The following IDH3A variants were observed in gnomAD, a reference collection of about 807,000 sequenced individuals.
The protein encoded by IDH3A is isocitrate dehydrogenase [NAD] subunit alpha, mitochondrial.
A neutral mutation model predicts 43.3 loss-of-function variants in IDH3A; 23 were observed. That is an observed-to-expected ratio of 0.53 (90% CI 0.38 to 0.75). IDH3A has a LOEUF of 0.75. IDH3A is among the 30% of genes least tolerant of loss of function. IDH3A has a pLI of 0.00. For missense variants in IDH3A, 329 were observed against 474.4 expected (o/e 0.69, Z 2.85); for synonymous variants, 154 against 163.5 (o/e 0.94, Z 0.44).
In IDH3A at chr15:78,156,984, G is replaced by A. The variant is rs993469418; in HGVS notation, c.91-564G>A. 13 of 1,344,088 alleles carry A rather than the reference G, an allele frequency of 9.7e-6. No homozygotes were observed. In the African/African-American group the frequency reaches 1.9e-4, roughly 20 times the overall value. 83.3% of individuals were successfully genotyped at this position (1,344,088 alleles called of 1,614,324 possible). A position where few individuals can be genotyped will look rare whatever the true frequency, so the allele number is the denominator to read the frequency against. Reference sequence around the variant, plus strand: ...TTATAGAGGAACTAAGAAAAAAATGGAAGCTCTCTTGATAAAAAGTCTGAT... The same window carrying A: ...TTATAGAGGAACTAAGAAAAAAATGAAAGCTCTCTTGATAAAAAGTCTGAT... On this transcript the variant is annotated intron_variant, in intron 2 of 10. Coordinates refer to ENST00000299518, the MANE Select transcript of IDH3A (RefSeq NM_005530.3).
chr15:78,153,077 A>C (rs1473346121), intron 1 of IDH3A, among the ~76,000 whole-genome samples: 1 of 151,768 alleles, frequency 6.6e-6, no homozygotes, highest in East Asian at 1.9e-4. Context: ...TTTTAAAATC[A>C]GTTGTTTGAG....
At position 78,166,277 on chromosome 15, in the gene IDH3A, G is replaced by A. The variant is rs1384081265; in HGVS notation, c.992G>A (p.Cys331Tyr). The A allele has an allele frequency of 1.2e-5, 19 of 1,614,162 alleles. No homozygotes were observed. The highest frequency in any genetic ancestry group is 1.6e-5 in the Non-Finnish European group (19 of 1,180,038). Residue 331 changes from cysteine to tyrosine, a missense_variant, in exon 10 of 11, where the codon TGT becomes TAT. By Grantham distance (194) the Cys-to-Tyr change is radical. Around this residue, in one of 3 missense-constraint regions of IDH3A, gnomAD observed 91 missense variants for 111.6 expected, o/e 0.82. Coordinates refer to ENST00000299518, the MANE Select transcript of IDH3A (RefSeq NM_005530.3). ...CATGCTGCAAGAATTGAGGCTGCGT[G>A]TTTTGCTACAATTAAGGACGGAAAG... ...FDHAARIEAA[C>Y]FATIKDGKSL...
intron 3 of IDH3A, among the ~76,000 whole-genome samples, chr15:78,158,448 C>CATACATATATATATATATATATATATAT (rs1555429600): frequency 3.5e-5 from 1 of 28,238 alleles, no homozygotes; most frequent in Non-Finnish European, 6.0e-5. Context: ...TACATACATA[C>CATACATATATATATATATATATATATAT]ATATATATAT....
chr15:78,171,502 G>A lies in IDH3A; in HGVS notation c.*2497G>A, dbSNP rs1037669159. 4 of 1,614,174 alleles carry A rather than the reference G, an allele frequency of 2.5e-6. No individual in the cohort carries two copies. Among genetic ancestry groups the A allele is most frequent in the Non-Finnish European group, 8.5e-7 (1 of 1,180,012 alleles). On this transcript the variant is annotated 3_prime_UTR_variant, in exon 11 of 11. Coordinates refer to ENST00000299518, the MANE Select transcript of IDH3A (RefSeq NM_005530.3). ...GATACCTTTGTACTTCTCCAAAACT[G>A]TGAGCCGTTTCAGTTTCATCGTGGG...
rs780669533 is a variant in IDH3A at position 78,166,203 on chromosome 15, C to T, written c.918C>T (p.Ala306=). 1.7e-5 allele frequency: 28 copies of T among 1,613,938 alleles called. 2 individuals are homozygous for T. The Admixed American group carries it at 4.3e-4, about 25-fold the overall frequency. Reference sequence around the variant, plus strand: ...GCAAGGACATGGCGAATCCCACAGCCCTCCTGCTCAGTGCCGTGATGATGC... The same window carrying T: ...GCAAGGACATGGCGAATCCCACAGCTCTCCTGCTCAGTGCCGTGATGATGC... ...IAGKDMANPT[A]LLLSAVMMLR... Residue 306 remains alanine, a synonymous_variant, in exon 10 of 11, where the codon GCC becomes GCT. Transcript: ENST00000299518.
intron 2 of IDH3A, chr15:78,157,095 A>G: frequency 8.6e-7 from 1 of 1,159,758 alleles, no homozygotes; most frequent in Non-Finnish European, 1.1e-6. Context: ...TTGCATGAGA[A>G]GCTTTCCAGG....
chr15:78,171,575 A>G lies in IDH3A; in HGVS notation c.*2570A>G. The stretch of plus-strand genomic sequence containing the variant: ...AATGAGTGAGGCCCAGGCTCTGAGA[A>G]CTCTGAGAATGTGTGTGGTAAAGAC... On this transcript the variant is annotated 3_prime_UTR_variant, in exon 11 of 11. Coordinates refer to ENST00000299518, the MANE Select transcript of IDH3A (RefSeq NM_005530.3). The G allele has an allele frequency of 6.6e-7, 1 of 1,509,604 alleles. No homozygotes were observed. The highest frequency in any genetic ancestry group is 9.2e-7 in the Non-Finnish European group (1 of 1,085,476). The allele number at this position is 1,509,604 out of a possible 1,614,324, so 93.5% of individuals were successfully genotyped here.
At chr15:78,159,649 C>A (rs2074660857) in intron 3 of IDH3A, among the ~76,000 whole-genome samples, 1 of 152,184 alleles carries the variant, frequency 6.6e-6, no homozygotes, top group Admixed American at 6.5e-5. Context: ...TCTCTTCTTG[C>A]ATGCCAGGAA....
Position 78,161,858 on chromosome 15 carries a change from A to T in IDH3A, c.477+90A>T. ...GAGACAGATCTGCTTTATCTCTGTG[A>T]GGAGTTGTGGGTGTTTGTCTTGGTG... On this transcript the variant is annotated intron_variant, in intron 5 of 10. Transcript: ENST00000299518. The surrounding 1 kb of genome is among the most constrained non-coding windows in gnomAD (Gnocchi z 4.8). The T allele has an allele frequency of 8.6e-7, 1 of 1,156,266 alleles. No homozygotes were observed. Among genetic ancestry groups the T allele is most frequent in the Non-Finnish European group, 1.3e-6 (1 of 788,622 alleles). 71.6% of individuals were successfully genotyped at this position (1,156,266 alleles called of 1,614,324 possible). A position where few individuals can be genotyped will look rare whatever the true frequency, so the allele number is the denominator to read the frequency against.
At chr15:78,168,641 T>C (rs2074779477) in intron 10 of IDH3A, 2 of 274,358 alleles carry the variant, frequency 7.3e-6, no homozygotes, top group South Asian at 2.6e-4. Context: ...GGGTCTATTG[T>C]GTGAACAAAG....
At chr15:78,156,246 ATTTATT>A (rs979659419) in intron 2 of IDH3A, among the ~76,000 whole-genome samples, 1 of 152,102 alleles carries the variant, frequency 6.6e-6, no homozygotes, top group Non-Finnish European at 1.5e-5. Context: ...TTTTCAGGCT[ATTTATT>A]TGAAAAAAAA....
intron 6 of IDH3A, 29 bp downstream of exon 6, chr15:78,162,396 A>G (rs750812805): frequency 2.5e-6 from 4 of 1,609,886 alleles, no homozygotes; most frequent in Admixed American, 1.7e-5. Flanking sequence ...CCGGCACCCC[A>G]TCTTGCTTTG....
chr15:78,155,910 G>A (rs62009336), intron 2 of IDH3A, among the ~76,000 whole-genome samples: 7,542 of 152,148 alleles, frequency 0.05, 228 homozygotes, highest in South Asian at 0.19. Flanking sequence ...TCCCCGCCCC[G>A]CCTTTTATGG....
intron 2 of IDH3A, among the ~76,000 whole-genome samples, chr15:78,156,311 A>C (rs1025294673): frequency 6.6e-6 from 1 of 152,164 alleles, no homozygotes; most frequent in Non-Finnish European, 1.5e-5. Flanking sequence ...AGGATGTATT[A>C]ATTTTTTTAA....
rs2074805294 is a variant in IDH3A at position 78,170,415 on chromosome 15, C to T, written c.*1410C>T. On this transcript the variant is annotated 3_prime_UTR_variant, in exon 11 of 11. Coordinates refer to ENST00000299518, the MANE Select transcript of IDH3A (RefSeq NM_005530.3). ...TCTGGGTCACTTTTTAAGCTTGTAA[C>T]CGCCCCCCCAGACTTATAATCTTAA... The T allele has an allele frequency of 6.6e-6, 1 of 151,744 alleles. No individual in the cohort carries two copies. Among genetic ancestry groups the T allele is most frequent in the African/African-American group, 2.4e-5 (1 of 41,252 alleles). 9.4% of individuals were successfully genotyped at this position (151,744 alleles called of 1,614,324 possible). A position where few individuals can be genotyped will look rare whatever the true frequency, so the allele number is the denominator to read the frequency against.
intron 1 of IDH3A, chr15:78,150,898 C>T (rs555687749): frequency 6.6e-6 from 1 of 152,340 alleles, no homozygotes; most frequent in African/African-American, 2.4e-5. Context: ...TTCTGTGTCA[C>T]TGTGAAAACT....
At chr15:78,166,118 C>T in intron 9 of IDH3A, 32 bp from the exon 10 acceptor site, 3 of 1,606,984 alleles carry the variant, frequency 1.9e-6, no homozygotes, top group Non-Finnish European at 2.6e-6. Context: ...TTTTGTCTCT[C>T]CCTTGATGAT....
chr15:78,153,303 C>T (rs2074594653), intron 1 of IDH3A, among the ~76,000 whole-genome samples: 1 of 152,200 alleles, frequency 6.6e-6, no homozygotes, highest in Non-Finnish European at 1.5e-5. Flanking sequence ...CTTTGTTGCA[C>T]AGCCTGGTTG....
At position 78,163,608 on chromosome 15, in the gene IDH3A, A is replaced by G. The variant is rs1174862280; in HGVS notation, c.713A>G (p.Asn238Ser). The change falls in exon 7 of 11, where the codon AAT becomes AGT. Residue 238 changes from asparagine (N) to serine (S), a missense_variant and splice_region_variant. Asn to Ser is a conservative substitution (Grantham distance 46). Coordinates refer to ENST00000299518, the MANE Select transcript of IDH3A (RefSeq NM_005530.3). ...ATGTACCTTGATACAGTATGTTTGA[A>G]TGTAAGTATATATTCACACTTACCT... Reference protein sequence around the residue: ...NEMYLDTVCLNMVQDPSQFDV... With the variant: ...NEMYLDTVCLSMVQDPSQFDV... The G allele has an allele frequency of 3.1e-6, 5 of 1,588,120 alleles. No individual in the cohort carries two copies. Among genetic ancestry groups the G allele is most frequent in the Non-Finnish European group, 4.3e-6 (5 of 1,156,606 alleles).
Sources: gnomAD v4.1 joint callset for allele counts (sites outside exome capture counted in the v4.1 genomes callset) on GRCh38, gnomAD v4.1.1 for gene constraint, gnomAD v4.1.1 regional missense constraint, Gnocchi (gnomAD v3.1) non-coding constraint, MANE v1.5 for transcripts, NCBI Gene and HGNC (gene_info 2026-07-23, HGNC 2026-07-21) for gene names.